The following LDLRAD4 variants were observed in gnomAD, a reference collection of about 807,000 sequenced individuals.
LDLRAD4 encodes low-density lipoprotein receptor class A domain-containing protein 4.
Under a neutral mutation model 17.0 loss-of-function variants are expected in LDLRAD4, and 5 were observed. The ratio of observed to expected loss-of-function variants is 0.29; its 90% CI spans 0.15 to 0.62. The LOEUF (loss-of-function observed/expected upper bound fraction) is 0.62. Among genes scored for constraint, LDLRAD4 ranks in the 20% least tolerant of loss-of-function variants. The pLI, the probability that LDLRAD4 is intolerant of heterozygous loss-of-function variation, is 0.84. For missense variants in LDLRAD4, 340 were observed against 424.7 expected (o/e 0.80, Z 1.75); for synonymous variants, 168 against 171.8 (o/e 0.98, Z 0.17).
intron 1 of LDLRAD4, among the ~76,000 whole-genome samples, chr18:13,256,553 AGTATT>A (rs2043515688): frequency 1.3e-5 from 2 of 152,246 alleles, no homozygotes; most frequent in South Asian, 4.1e-4. Flanking sequence ...CTTCGAGATC[AGTATT>A]GTATTAGGGC....
intron 3 of LDLRAD4, among the ~76,000 whole-genome samples, chr18:13,530,707 G>A (rs896360768): frequency 2.0e-5 from 3 of 152,212 alleles, no homozygotes; most frequent in African/African-American, 7.2e-5. Context: ...GCTTGGTGAC[G>A]TGTGTGACAT....
chr18:13,444,223 C>G (rs766133275), intron 3 of LDLRAD4, among the ~76,000 whole-genome samples: 1 of 152,086 alleles, frequency 6.6e-6, no homozygotes, highest in Non-Finnish European at 1.5e-5. Context: ...GATGTATACA[C>G]TTAACATTTT....
intron 4 of LDLRAD4, among the ~76,000 whole-genome samples, chr18:13,635,134 T>G (rs2041969588): frequency 6.6e-6 from 1 of 152,214 alleles, no homozygotes; most frequent in African/African-American, 2.4e-5. Flanking sequence ...TTAGTTTGAC[T>G]GCTAGAACAA....
chr18:13,233,159 C>T (rs190210240), intron 1 of LDLRAD4, among the ~76,000 whole-genome samples: 6 of 152,354 alleles, frequency 3.9e-5, no homozygotes, highest in South Asian at 2.1e-4. Context: ...TCCTGAAGGA[C>T]GTGAGCGGGC....
At chr18:13,340,867 C>A (rs186904793) in intron 1 of LDLRAD4, among the ~76,000 whole-genome samples, 1 of 151,952 alleles carries the variant, frequency 6.6e-6, no homozygotes, top group Non-Finnish European at 1.5e-5. Context: ...TTTTAGCTTT[C>A]GTTTCTAGGT....
At chr18:13,238,304 A>G (rs2042436181) in intron 1 of LDLRAD4, among the ~76,000 whole-genome samples, 1 of 152,166 alleles carries the variant, frequency 6.6e-6, no homozygotes, top group Non-Finnish European at 1.5e-5. Flanking sequence ...CCTCTTAAAA[A>G]CATTCTGCTG....
intron 3 of LDLRAD4, among the ~76,000 whole-genome samples, chr18:13,480,340 C>A (rs1184488357): frequency 6.6e-6 from 1 of 152,144 alleles, no homozygotes; most frequent in African/African-American, 2.4e-5. Context: ...CAGTGTGAGT[C>A]CAACTGTGTG....
chr18:13,255,852 A>AT (rs1336253219), intron 1 of LDLRAD4, among the ~76,000 whole-genome samples: 1 of 152,236 alleles, frequency 6.6e-6, no homozygotes, highest in South Asian at 2.1e-4. Context: ...CTGGAATTCC[A>AT]TTTTATCAGG....
intron 2 of LDLRAD4, among the ~76,000 whole-genome samples, chr18:13,418,187 C>T (rs975077229): frequency 1.3e-5 from 2 of 151,190 alleles, no homozygotes; most frequent in African/African-American, 2.4e-5. Flanking sequence ...AGGCTCTCTT[C>T]CAACTCCCAA....
At chr18:13,545,624 G>T (rs1404693922) in intron 3 of LDLRAD4, among the ~76,000 whole-genome samples, 1 of 152,138 alleles carries the variant, frequency 6.6e-6, no homozygotes, top group African/African-American at 2.4e-5. Flanking sequence ...TCTAGCAGCC[G>T]GCCATGAGCA....
chr18:13,377,949 G>A (rs2085048757), intron 1 of LDLRAD4, among the ~76,000 whole-genome samples: 3 of 152,182 alleles, frequency 2.0e-5, no homozygotes, highest in Admixed American at 2.0e-4. Context: ...GTTTTTCTTT[G>A]TCCTAAAGGA....
chr18:13,257,992 G>T (rs1483169657), intron 1 of LDLRAD4, among the ~76,000 whole-genome samples: 2 of 152,188 alleles, frequency 1.3e-5, no homozygotes, highest in East Asian at 3.9e-4. Context: ...CGAGGAATTG[G>T]AGGCTGTGAT....
chr18:13,425,948 G>C (rs2089896873), intron 2 of LDLRAD4: 1 of 152,854 alleles, frequency 6.5e-6, no homozygotes, highest in Non-Finnish European at 1.5e-5. Flanking sequence ...GAGGGAGGCT[G>C]AGATTCCCCG....
intron 1 of LDLRAD4, among the ~76,000 whole-genome samples, chr18:13,231,418 G>A (rs112219837): frequency 3.6e-4 from 55 of 152,228 alleles, no homozygotes; most frequent in African/African-American, 1.2e-3. Context: ...TCCTGATTGC[G>A]GCCTGCCCGA....
intron 1 of LDLRAD4, among the ~76,000 whole-genome samples, chr18:13,373,659 C>A (rs549955029): frequency 6.6e-6 from 1 of 152,112 alleles, no homozygotes; most frequent in Non-Finnish European, 1.5e-5. Context: ...TGAAATAGCT[C>A]CCCTTTTATA....
At chr18:13,319,317 C>G (rs890824797) in intron 1 of LDLRAD4, among the ~76,000 whole-genome samples, 1 of 152,130 alleles carries the variant, frequency 6.6e-6, no homozygotes, top group South Asian at 2.1e-4. Flanking sequence ...TGCGCAGTGG[C>G]GGGGCAGCTG....
At chr18:13,318,959 G>C (rs189343013) in intron 1 of LDLRAD4, among the ~76,000 whole-genome samples, 4 of 152,262 alleles carry the variant, frequency 2.6e-5, no homozygotes, top group African/African-American at 9.6e-5. Context: ...CAGCTTTCTG[G>C]CTTTAAATGA....
Position 13,367,321 on chromosome 18 carries a change from G to C in LDLRAD4, c.-382-20020G>C, listed in dbSNP as rs2084129577. Among the ~76,000 whole-genome samples the C allele has an allele frequency of 6.6e-6, 1 of 152,196 alleles. No homozygotes were observed. ...GGAGTTTTGTCAGGTGGTGTGATTG[G>C]CAGGTGGGGCAGAGGGGCCTGGGAG... On this transcript the variant is annotated intron_variant, in intron 1 of 5. Coordinates refer to ENST00000359446, the Ensembl canonical transcript of LDLRAD4. This position sits in a 1 kb window ranked among gnomAD's most constrained non-coding sequence, Gnocchi z 4.1.
At chr18:13,400,423 G>T (rs1422584515) in intron 2 of LDLRAD4, among the ~76,000 whole-genome samples, 1 of 152,218 alleles carries the variant, frequency 6.6e-6, no homozygotes, top group African/African-American at 2.4e-5. Context: ...GAGTCCAGGG[G>T]TGAGGGTAGG....
Sources: gnomAD v4.1 joint callset for allele counts (sites outside exome capture counted in the v4.1 genomes callset) on GRCh38, gnomAD v4.1.1 for gene constraint, Gnocchi (gnomAD v3.1) non-coding constraint, MANE v1.5 for transcripts, NCBI Gene and HGNC (gene_info 2026-07-23, HGNC 2026-07-21) for gene names.